Variants in FARP2 observed in about 807,000 individuals in gnomAD.
The protein encoded by FARP2 is FERM, ARH/RhoGEF and pleckstrin domain protein 2.
A neutral mutation model predicts 130.5 loss-of-function variants in FARP2; 111 were observed. That is an observed-to-expected ratio of 0.85 (90% CI 0.73 to 1.00). The LOEUF is 1.00. FARP2 is among the 50% of genes least tolerant of loss of function. FARP2 has a pLI of 0.00. For synonymous variants in FARP2, 504 were observed against 516.9 expected (o/e 0.98, Z 0.34); for missense variants, 1,385 against 1,346.3 (o/e 1.03, Z -0.45).
chr2:241,427,069 T>C (rs1574801951), intron 8 of FARP2, among the ~76,000 whole-genome samples: 1 of 152,234 alleles, frequency 6.6e-6, no homozygotes, highest in East Asian at 1.9e-4. Flanking sequence ...ACCCCATCTC[T>C]ACTAAAAATA....
At chr2:241,373,371 T>G in intron 2 of FARP2, 81 bp downstream of exon 2, 1 of 1,004,922 alleles carries the variant, frequency 1.0e-6, no homozygotes, top group South Asian at 4.1e-5. Context: ...TTTTGCTGGT[T>G]AGACTTTGCA....
chr2:241,461,076 A>G (rs571260339), intron 14 of FARP2, among the ~76,000 whole-genome samples: 11 of 152,280 alleles, frequency 7.2e-5, no homozygotes, highest in African/African-American at 2.6e-4. Flanking sequence ...GGAAGAAGAC[A>G]TGGCTCCACA....
intron 3 of FARP2, among the ~76,000 whole-genome samples, chr2:241,404,379 C>A (rs747474087): frequency 1.3e-5 from 2 of 152,116 alleles, no homozygotes; most frequent in African/African-American, 4.8e-5. Flanking sequence ...TTTCAGATAC[C>A]CTTGGCAGTG....
intron 13 of FARP2, among the ~76,000 whole-genome samples, chr2:241,453,537 G>T (rs1218344058): frequency 4.6e-5 from 7 of 151,582 alleles, no homozygotes; most frequent in African/African-American, 1.7e-4. Context: ...CAGGAGAATG[G>T]CATGAACCTG....
chr2:241,395,820 T>C (rs1045463169), intron 2 of FARP2: 1 of 152,176 alleles, frequency 6.6e-6, no homozygotes, highest in East Asian at 1.9e-4. Context: ...TTGTTTGTTT[T>C]CCAATAATTT....
At chr2:241,456,449 CA>C in intron 13 of FARP2, 1 of 303,718 alleles carries the variant, frequency 3.3e-6, no homozygotes, top group South Asian at 6.5e-5. Flanking sequence ...CTGCAGAGCC[CA>C]AAAGAAGCCC....
At chr2:241,424,742 G>A (rs2062888911) in intron 8 of FARP2, among the ~76,000 whole-genome samples, 1 of 152,060 alleles carries the variant, frequency 6.6e-6, no homozygotes, top group East Asian at 1.9e-4. Flanking sequence ...ATAATCAAAT[G>A]AACAATCTGA....
rs748635618 is a variant in FARP2, at chr2:241,441,439, C to T, written c.1294C>T (p.Pro432Ser). The T allele has an allele frequency of 1.2e-6, 2 of 1,614,086 alleles. No individual in the cohort carries two copies. Among genetic ancestry groups the T allele is most frequent in the Admixed American group, 3.3e-5 (2 of 59,998 alleles). Reference sequence around the variant, plus strand: ...GGACAGCAGCAGCTCCCTCACAGATCCCCAGGTTTCCTACGTCAAGAGTCC... The same window carrying T: ...GGACAGCAGCAGCTCCCTCACAGATTCCCAGGTTTCCTACGTCAAGAGTCC... ...FKDSSSSLTD[P>S]QVSYVKSPAA... Residue 432 changes from proline to serine, a missense_variant, in exon 13 of 27, where the codon CCC (proline) becomes TCC (serine). Pro to Ser is a moderately conservative substitution (Grantham distance 74). Transcript: ENST00000264042.
At chr2:241,458,515 C>T (rs1423787192) in intron 14 of FARP2, among the ~76,000 whole-genome samples, 2 of 152,174 alleles carry the variant, frequency 1.3e-5, no homozygotes, top group Non-Finnish European at 2.9e-5. Flanking sequence ...TGGAAGGAGC[C>T]CCCTGGTCTG....
chr2:241,468,438 G>A (rs556932653), intron 18 of FARP2, 61 bp downstream of exon 18: 33 of 1,306,880 alleles, frequency 2.5e-5, no homozygotes, highest in South Asian at 7.2e-5. Flanking sequence ...AGGCAGGGGC[G>A]GCTTTGCCAG....
Position 241,438,589 on chromosome 2 carries a change from A to G in FARP2, c.1158+2051A>G, listed in dbSNP as rs542945725. Among the ~76,000 whole-genome samples the G allele has an allele frequency of 7.3e-5, 11 of 150,086 alleles. No homozygotes were observed. In the East Asian group the frequency reaches 1.4e-3, roughly 19 times the overall value. ...AGCTCATGGTATCCCAGGTTTTTTC[A>G]TGGGTACATGAAAACCTTCTTAAAC... On this transcript the variant is annotated intron_variant, in intron 12 of 26. Coordinates refer to ENST00000264042, the MANE Select transcript of FARP2 (RefSeq NM_014808.4).
intron 8 of FARP2, among the ~76,000 whole-genome samples, chr2:241,419,404 A>G (rs1332776941): frequency 1.3e-5 from 2 of 152,230 alleles, no homozygotes; most frequent in African/African-American, 4.8e-5. Flanking sequence ...AAAAAAACAA[A>G]TAATACAACC....
intron 13 of FARP2, among the ~76,000 whole-genome samples, chr2:241,450,511 C>A (rs368577255): frequency 6.6e-6 from 1 of 151,398 alleles, no homozygotes; most frequent in Admixed American, 6.6e-5. Flanking sequence ...ACTAAAAATA[C>A]GAAAATTAGC....
At chr2:241,437,662 A>ATTTTTTTTTTTTTTTTTT (rs1254102658) in intron 12 of FARP2, among the ~76,000 whole-genome samples, 1 of 135,416 alleles carries the variant, frequency 7.4e-6, no homozygotes, top group Admixed American at 8.8e-5. Flanking sequence ...TTATTTATTT[A>ATTTTTTTTTTTTTTTTTT]TTTATTTATT....
intron 1 of FARP2, 93 bp downstream of exon 1, chr2:241,356,481 G>T (rs560889552): frequency 2.0e-5 from 3 of 151,692 alleles, no homozygotes; most frequent in South Asian, 2.1e-4. Context: ...AGGCCCAGGC[G>T]GGGGGGGCGC....
intron 2 of FARP2, among the ~76,000 whole-genome samples, chr2:241,390,157 A>C (rs2061873587): frequency 6.6e-6 from 1 of 152,170 alleles, no homozygotes; most frequent in African/African-American, 2.4e-5. Context: ...TTGTGCCCCC[A>C]CTACAGATGC....
chr2:241,426,750 CAGT>C (rs1452091520), intron 8 of FARP2, among the ~76,000 whole-genome samples: 1 of 152,114 alleles, frequency 6.6e-6, no homozygotes, highest in Non-Finnish European at 1.5e-5. Context: ...AAAATGAAAA[CAGT>C]AGATTTTAGC....
chr2:241,458,813 T>C (rs927968802), intron 14 of FARP2, among the ~76,000 whole-genome samples: 1 of 152,230 alleles, frequency 6.6e-6, no homozygotes, highest in Non-Finnish European at 1.5e-5. Context: ...TGAGGATAAT[T>C]GGGCTGGTGG....
intron 18 of FARP2, among the ~76,000 whole-genome samples, chr2:241,474,473 A>G (rs1473928706): frequency 6.6e-6 from 1 of 150,900 alleles, no homozygotes; most frequent in Non-Finnish European, 1.5e-5. Flanking sequence ...TGGCCAGGAA[A>G]TAAGAGGGAG....
Sources: gnomAD v4.1 joint callset for allele counts (sites outside exome capture counted in the v4.1 genomes callset) on GRCh38, gnomAD v4.1.1 for gene constraint, MANE v1.5 for transcripts, NCBI Gene and HGNC (gene_info 2026-07-23, HGNC 2026-07-21) for gene names.